The following CTNNBL1 variants were observed in gnomAD, a reference collection of about 807,000 sequenced individuals.
The protein encoded by CTNNBL1 is beta-catenin-like protein 1.
In CTNNBL1, 31 loss-of-function variants were observed where a neutral mutation model predicts 72.7. That is an observed-to-expected ratio of 0.43 (90% CI 0.32 to 0.58). The LOEUF is 0.58. Ranked by LOEUF, CTNNBL1 falls within the 20% of genes least tolerant of loss-of-function variation. The probability of loss-of-function intolerance (pLI) is 0.08; values close to 1 mark genes in which losing one functional copy is unlikely to be tolerated. For missense variants in CTNNBL1, 534 were observed against 725.1 expected (o/e 0.74, Z 3.03); for synonymous variants, 240 against 267.3 (o/e 0.90, Z 1.00).
chr20:37,765,393 G>T (rs554336045), intron 6 of CTNNBL1, 103 bp downstream of exon 6: 1 of 740,082 alleles, frequency 1.4e-6, no homozygotes, highest in Non-Finnish European at 2.3e-6. Flanking sequence ...ATAGCAGGCT[G>T]TTTTCCTTCC....
intron 3 of CTNNBL1, among the ~76,000 whole-genome samples, chr20:37,741,671 C>G (rs1171603275): frequency 6.6e-6 from 1 of 152,202 alleles, no homozygotes; most frequent in Non-Finnish European, 1.5e-5. Flanking sequence ...TAGTATGTGC[C>G]TAGTAAATAT....
chr20:37,747,359 A>G (rs1459414800), intron 4 of CTNNBL1, among the ~76,000 whole-genome samples: 2 of 126,634 alleles, frequency 1.6e-5, no homozygotes, highest in African/African-American at 6.0e-5. Context: ...TGGGCAACAG[A>G]GTGAGTGGGA....
chr20:37,812,589 G>T (rs1438347893), intron 11 of CTNNBL1, among the ~76,000 whole-genome samples: 2 of 152,208 alleles, frequency 1.3e-5, no homozygotes, highest in East Asian at 1.9e-4. Context: ...CTTGCAGAGG[G>T]TCTATTTCTA....
At chr20:37,783,002 T>C (rs888473718) in intron 10 of CTNNBL1, among the ~76,000 whole-genome samples, 2 of 152,200 alleles carry the variant, frequency 1.3e-5, no homozygotes, top group Non-Finnish European at 2.9e-5. Flanking sequence ...GTCTACCATA[T>C]AGGATGATGT....
chr20:37,838,303 A>G (rs2072272701), intron 11 of CTNNBL1, among the ~76,000 whole-genome samples: 1 of 152,130 alleles, frequency 6.6e-6, no homozygotes, highest in African/African-American at 2.4e-5. Flanking sequence ...GTGGAAGGAG[A>G]GGGACTTACT....
chr20:37,721,502 CTGGTGG>C, intron 1 of CTNNBL1, among the ~76,000 whole-genome samples: 2 of 152,334 alleles, frequency 1.3e-5, no homozygotes, highest in Admixed American at 1.3e-4. Context: ...CTGCTAGCTT[CTGGTGG>C]TACCCCCCTA....
At position 37,772,223 on chromosome 20, in the gene CTNNBL1, CTG is replaced by C. The variant is rs1365994752; in HGVS notation, c.750+4182_750+4183del. Among the ~76,000 whole-genome samples the C allele has an allele frequency of 5.5e-4, 83 of 152,276 alleles. 1 individual carries two copies. Among genetic ancestry groups the C allele is most frequent in the Non-Finnish European group, 1.6e-4 (11 of 68,034 alleles). ...GTACCTCCTCCCAGCTGTTCTCAAA[CTG>C]TGGTTCCCAGCCAGGAGCATCAGCA... is the stretch of plus-strand genomic sequence containing the variant. On this transcript the variant is annotated intron_variant, in intron 7 of 15. Coordinates refer to ENST00000361383, the MANE Select transcript of CTNNBL1 (RefSeq NM_030877.5).
chr20:37,793,428 T>C (rs1215052575), intron 10 of CTNNBL1, among the ~76,000 whole-genome samples: 1 of 152,238 alleles, frequency 6.6e-6, no homozygotes, highest in East Asian at 1.9e-4. Context: ...TTGTTTTATA[T>C]TAATATAGCC....
chr20:37,820,474 GAC>G (rs2072096807), intron 11 of CTNNBL1, among the ~76,000 whole-genome samples: 2 of 152,062 alleles, frequency 1.3e-5, no homozygotes, highest in Admixed American at 1.3e-4. Context: ...TGTTCCAGAA[GAC>G]ACAGATTGAT....
At chr20:37,760,960 A>C (rs889609795) in intron 5 of CTNNBL1, among the ~76,000 whole-genome samples, 6 of 152,258 alleles carry the variant, frequency 3.9e-5, no homozygotes, top group African/African-American at 1.4e-4. Flanking sequence ...GGGCCTAAAT[A>C]AGAAATGAGA....
intron 1 of CTNNBL1, among the ~76,000 whole-genome samples, chr20:37,705,591 A>G (rs1029540681): frequency 1.2e-4 from 19 of 152,360 alleles, no homozygotes; most frequent in African/African-American, 4.6e-4. Flanking sequence ...ATGCTACAGT[A>G]TAGAAATGTT....
intron 13 of CTNNBL1, among the ~76,000 whole-genome samples, chr20:37,849,262 A>C (rs906622190): frequency 6.6e-6 from 1 of 152,212 alleles, no homozygotes; most frequent in South Asian, 2.1e-4. Context: ...AGATTTTTCT[A>C]AAATGTAAAT....
chr20:37,820,718 A>G (rs954934274), intron 11 of CTNNBL1, among the ~76,000 whole-genome samples: 2 of 151,744 alleles, frequency 1.3e-5, no homozygotes, highest in Non-Finnish European at 2.9e-5. Flanking sequence ...CTTCCCCTTC[A>G]CCTCCTGCCA....
At chr20:37,817,594 G>A (rs1322224802) in intron 11 of CTNNBL1, among the ~76,000 whole-genome samples, 2 of 152,134 alleles carry the variant, frequency 1.3e-5, no homozygotes, top group East Asian at 3.9e-4. Flanking sequence ...TACCTTCACT[G>A]ATCCCAGATT....
Position 37,859,971 on chromosome 20 carries a change from G to A in CTNNBL1, c.1465G>A (p.Gly489Arg). Residue 489 changes from glycine to arginine, a missense_variant, in exon 14 of 16, where the codon GGG (glycine) becomes AGG (arginine). By Grantham distance (125) the Gly-to-Arg change is moderately radical. Transcript: ENST00000361383. Reference sequence around the variant, plus strand: ...GTTCTACCTCCGGCGCCTGGATGCGGGGCTCTTTGTTCTCCAGCACATCTG... The same window carrying A: ...GTTCTACCTCCGGCGCCTGGATGCGAGGCTCTTTGTTCTCCAGCACATCTG... ...EEFYLRRLDA[G>R]LFVLQHICYI... 6.2e-7 allele frequency: 1 copy of A among 1,614,156 alleles called. No individual in the cohort carries two copies. The highest frequency in any genetic ancestry group is 8.5e-7 in the Non-Finnish European group (1 of 1,180,040).
chr20:37,821,859 G>A (rs1310795906), intron 11 of CTNNBL1, among the ~76,000 whole-genome samples: 1 of 152,118 alleles, frequency 6.6e-6, no homozygotes, highest in Non-Finnish European at 1.5e-5. Context: ...GATGCCAGTA[G>A]CAACCCCCAG....
intron 11 of CTNNBL1, among the ~76,000 whole-genome samples, chr20:37,805,718 C>G (rs1230728262): frequency 1.3e-5 from 2 of 152,086 alleles, no homozygotes; most frequent in African/African-American, 2.4e-5. Flanking sequence ...TTTGATGTCT[C>G]TTTCTCAGGG....
chr20:37,781,518 A>G (rs1012087038), intron 10 of CTNNBL1, among the ~76,000 whole-genome samples: 3 of 152,172 alleles, frequency 2.0e-5, no homozygotes, highest in Non-Finnish European at 2.9e-5. Context: ...TCCTAACTTC[A>G]TTTTTGAATG....
chr20:37,855,063 A>G (rs963042937), intron 13 of CTNNBL1, among the ~76,000 whole-genome samples: 3 of 151,134 alleles, frequency 2.0e-5, no homozygotes, highest in African/African-American at 4.9e-5. Context: ...GTAGTAATCA[A>G]TCAAAAATAA....
Sources: allele counts gnomAD v4.1 joint callset (sites outside exome capture counted in the v4.1 genomes callset), GRCh38; gene constraint gnomAD v4.1.1; transcripts MANE v1.5; gene names NCBI Gene and HGNC (gene_info 2026-07-23, HGNC 2026-07-21).